The following TMEM200C variants were observed in gnomAD, a reference collection of about 807,000 sequenced individuals.
TMEM200C encodes transmembrane protein TTMA.
For missense variants in TMEM200C, 966 were observed against 699.9 expected, an observed-to-expected ratio of 1.38 and a Z score of -4.29; for synonymous variants, 462 against 324.7, an observed-to-expected ratio of 1.42 and a Z score of -4.55.
In TMEM200C at chr18:5,891,583, G is replaced by T; in HGVS notation, c.481C>A (p.His161Asn). The stretch of plus-strand genomic sequence containing the variant: ...CCGAAGACCTTGAGCTTGTCAGAGT[G>T]CAGGTAGCCAGAGAAGATGCGGAAG... The change falls in exon 3 of 3, where the codon CAC (histidine) becomes AAC (asparagine). Residue 161 changes from histidine to asparagine, a missense_variant. His to Asn is a moderately conservative substitution (Grantham distance 68). Transcript: ENST00000581347. The surrounding 1 kb of genome is among the most constrained non-coding windows in gnomAD (Gnocchi z 4.7). The T allele has an allele frequency of 1.9e-6, 3 of 1,613,856 alleles. No homozygotes were observed. Among genetic ancestry groups the T allele is most frequent in the South Asian group, 1.1e-5 (1 of 91,072 alleles).
chr18:5,891,250 C>A lies in TMEM200C; in HGVS notation c.814G>T (p.Ala272Ser). The A allele has an allele frequency of 1.5e-6, 2 of 1,376,022 alleles. No homozygotes were observed. The highest frequency in any genetic ancestry group is 1.9e-6 in the Non-Finnish European group (2 of 1,058,708). 85.2% of individuals were successfully genotyped at this position (1,376,022 alleles called of 1,614,324 possible). A position where few individuals can be genotyped will look rare whatever the true frequency, so the allele number is the denominator to read the frequency against. ...GCCAGCATCGCCGCCGCTCCGAAGG[C>A]GTCCCCGGAGCCACCGCAGCCCCCG... is the stretch of plus-strand genomic sequence containing the variant. Residue 272 changes from alanine to serine, a missense_variant, in exon 3 of 3, where the codon GCC becomes TCC. Transcript: ENST00000581347. The surrounding 1 kb of genome is among the most constrained non-coding windows in gnomAD (Gnocchi z 4.7).
At chr18:5,885,814 G>T (rs189556123) in exon 3 of TMEM200C, 4 of 151,914 alleles carry the variant, frequency 2.6e-5, no homozygotes, top group Non-Finnish European at 1.5e-5. Flanking sequence ...GGTAGGGTGG[G>T]GTGTCTTAGA....
At chr18:5,886,101 CTAATTTTATGTGTCAGAGGGTTTTTCT>C (rs1351035240) in exon 3 of TMEM200C, 8 of 151,922 alleles carry the variant, frequency 5.3e-5, no homozygotes, top group Admixed American at 5.2e-4. Flanking sequence ...TTAGTCTGTA[CTAATTTTATGTGTCAGAGGGTTTTTCT>C]TAAGTTCTCT....
At chr18:5,892,009 G>A in exon 3 of TMEM200C, 3 of 1,613,940 alleles carry the variant, frequency 1.9e-6, no homozygotes, top group Non-Finnish European at 2.5e-6. Flanking sequence ...CTTGGGGGGC[G>A]GAGTGGATCC....
chr18:5,888,464 T>C (rs2095167109), exon 3 of TMEM200C: 1 of 152,194 alleles, frequency 6.6e-6, no homozygotes, highest in African/African-American at 2.4e-5. Flanking sequence ...AAATGTGATA[T>C]GATTACATCC....
chr18:5,891,624 G>T lies in TMEM200C; in HGVS notation c.440C>A (p.Thr147Lys). Residue 147 changes from threonine (T) to lysine (K), a missense_variant, in exon 3 of 3, where the codon ACG (threonine) becomes AAG (lysine). Physicochemically the swap from Thr to Lys is moderately conservative, Grantham distance 78. Transcript: ENST00000581347. The surrounding 1 kb of genome is among the most constrained non-coding windows in gnomAD (Gnocchi z 4.7). The stretch of plus-strand genomic sequence containing the variant: ...GATGCGGAAGAAGAAGCCCACGGAC[G>T]TGGAGGAGGAGGACGGGGAGGCGGC... 1 of 1,613,856 alleles carries T rather than the reference G, an allele frequency of 6.2e-7. No individual in the cohort carries two copies.
At chr18:5,896,161 G>A (rs1261350499), upstream of TMEM200C, among the ~76,000 whole-genome samples, 2 of 152,160 alleles carry the variant, frequency 1.3e-5, no homozygotes, top group Non-Finnish European at 2.9e-5. Flanking sequence ...ACCGCGGGAC[G>A]CTTGGAAGCC....
intron 1 of TMEM200C, 42 bp from the exon 1 acceptor site, chr18:5,895,564 C>T (rs2095175335): frequency 7.0e-6 from 1 of 142,566 alleles, no homozygotes; most frequent in Non-Finnish European, 1.6e-5. Flanking sequence ...CGGGGGGCGC[C>T]CCCGCCCCCG....
At chr18:5,888,302 G>A (rs915847810) in exon 3 of TMEM200C, 2 of 152,178 alleles carry the variant, frequency 1.3e-5, no homozygotes, top group African/African-American at 4.8e-5. Context: ...TTATAGAAGA[G>A]CCCAATATAT....
exon 3 of TMEM200C, chr18:5,890,334 C>A (rs1273724803): frequency 7.5e-6 from 12 of 1,604,324 alleles, no homozygotes; most frequent in Admixed American, 1.7e-5. Flanking sequence ...CTGGCTGGCA[C>A]CCTCCGGCGA....
At chr18:5,894,524 G>A (rs1381685859) in intron 2 of TMEM200C, among the ~76,000 whole-genome samples, 2 of 152,182 alleles carry the variant, frequency 1.3e-5, no homozygotes, top group African/African-American at 2.4e-5. Context: ...GTCTTACCGT[G>A]GTTAAAGAAT....
chr18:5,891,264 CCG>C lies in TMEM200C; in HGVS notation c.798_799del (p.Cys266TrpfsTer82). On this transcript the variant is annotated frameshift_variant, in exon 3 of 3. Transcript: ENST00000581347. LOFTEE classifies it low-confidence loss of function (END_TRUNC). The surrounding 1 kb of genome is among the most constrained non-coding windows in gnomAD (Gnocchi z 4.7). ...CGCTCCGAAGGCGTCCCCGGAGCCACCGCAGCCCCCGGGCTTCAGCTCCAGGC... is the reference window on the plus strand; with the variant it reads ...CGCTCCGAAGGCGTCCCCGGAGCCACCAGCCCCCGGGCTTCAGCTCCAGGC... The C allele has an allele frequency of 7.1e-7, 1 of 1,403,972 alleles. No individual in the cohort carries two copies. The highest frequency in any genetic ancestry group is 9.3e-7 in the Non-Finnish European group (1 of 1,074,444). 87.0% of individuals were successfully genotyped at this position (1,403,972 alleles called of 1,614,324 possible).
chr18:5,892,513 A>G (rs2095172311), intron 2 of TMEM200C, among the ~76,000 whole-genome samples: 1 of 152,140 alleles, frequency 6.6e-6, no homozygotes, highest in Admixed American at 6.5e-5. Context: ...AGTAAAACCT[A>G]AATGTAGGGA....
intron 1 of TMEM200C, among the ~76,000 whole-genome samples, 165 bp from the exon 1 acceptor site, chr18:5,895,687 GGA>G (rs1410388024): frequency 6.7e-6 from 1 of 150,222 alleles, no homozygotes; most frequent in Non-Finnish European, 1.5e-5. Context: ...GATTCCTCGG[GGA>G]GGAGGAGGCG....
chr18:5,893,832 C>G (rs1304133168), intron 2 of TMEM200C, among the ~76,000 whole-genome samples: 2 of 152,002 alleles, frequency 1.3e-5, no homozygotes, highest in Non-Finnish European at 2.9e-5. Context: ...AAGAGAAGCA[C>G]CAGGTAGATA....
chr18:5,896,091 GT>G (rs1369763181), upstream of TMEM200C: 1 of 152,286 alleles, frequency 6.6e-6, no homozygotes, highest in Non-Finnish European at 1.5e-5. Flanking sequence ...AGCACAGTAA[GT>G]TGTCCCCCAG....
Position 5,891,911 on chromosome 18 carries a change from G to A in TMEM200C, c.153C>T (p.Ile51=), listed in dbSNP as rs769583664. ...TCCCACAGAGGGCGATGAGCCCTGAGATGGAGCACAGCTTCAGCTTGCCTT... is the reference window on the plus strand; with the variant it reads ...TCCCACAGAGGGCGATGAGCCCTGAAATGGAGCACAGCTTCAGCTTGCCTT... Residue 51 remains isoleucine, a synonymous_variant, in exon 3 of 3, where the codon ATC becomes ATT. Transcript: ENST00000581347. The surrounding 1 kb of genome is among the most constrained non-coding windows in gnomAD (Gnocchi z 4.7). 3 of 1,613,612 alleles carry A rather than the reference G, an allele frequency of 1.9e-6. No individual in the cohort carries two copies.
In TMEM200C at chr18:5,891,331, TG is replaced by T; in HGVS notation, c.732del (p.Ile245TyrfsTer17). On this transcript the variant is annotated frameshift_variant, in exon 3 of 3. Transcript: ENST00000581347. LOFTEE classifies it low-confidence loss of function (END_TRUNC). This position sits in a 1 kb window ranked among gnomAD's most constrained non-coding sequence, Gnocchi z 4.7. ...TAGCTGAGGAAGCCGTTGAGCGGTA[TG>T]GCCCCGGGGGGCGCCGCGGCGGGGG... The T allele has an allele frequency of 7.3e-7, 1 of 1,366,828 alleles. No homozygotes were observed. Among genetic ancestry groups the T allele is most frequent in the Non-Finnish European group, 9.5e-7 (1 of 1,058,018 alleles). 84.7% of individuals were successfully genotyped at this position (1,366,828 alleles called of 1,614,324 possible).
At chr18:5,889,325 T>A (rs987912960) in exon 3 of TMEM200C, 1 of 152,172 alleles carries the variant, frequency 6.6e-6, no homozygotes, top group Non-Finnish European at 1.5e-5. Flanking sequence ...TGGGGGAAGA[T>A]CACAACAGTC....
Sources: allele counts gnomAD v4.1 joint callset (sites outside exome capture counted in the v4.1 genomes callset), GRCh38; gene constraint gnomAD v4.1.1; non-coding constraint Gnocchi (gnomAD v3.1); transcripts MANE v1.5; gene names NCBI Gene and HGNC (gene_info 2026-07-23, HGNC 2026-07-21).